Variants in SENP5 observed in about 807,000 individuals in gnomAD.
SENP5 encodes sentrin-specific protease 5.
SENP5 carries 21 observed loss-of-function variants against 74.2 expected under a neutral mutation model. That is an observed-to-expected ratio of 0.28 (90% CI 0.20 to 0.41). The LOEUF is 0.41. Among genes scored for constraint, SENP5 ranks in the 10% least tolerant of loss-of-function variants. The pLI is 1.00. For missense variants in SENP5, 717 were observed against 889.1 expected (o/e 0.81, Z 2.46); for synonymous variants, 311 against 312.7 (o/e 0.99, Z 0.06).
At chr3:196,888,214 C>T (rs1714056233) in intron 2 of SENP5, among the ~76,000 whole-genome samples, 1 of 152,158 alleles carries the variant, frequency 6.6e-6, no homozygotes, top group Non-Finnish European at 1.5e-5. Flanking sequence ...TAAATTATGG[C>T]CCATTCAGGC....
chr3:196,883,686 A>G (rs1442740920), intron 1 of SENP5, among the ~76,000 whole-genome samples: 2 of 137,752 alleles, frequency 1.5e-5, no homozygotes, highest in Admixed American at 7.7e-5. Context: ...GAGGTCCTAT[A>G]GCTGCTGCTT....
chr3:196,907,620 A>G lies in SENP5; in HGVS notation c.1884+4010A>G, dbSNP rs1325862674. ...TGTGAGTTGTTTCATTAAATAATAA[A>G]CTAAATTATTCCTTCCTCTAGATCA... On this transcript the variant is annotated intron_variant, in intron 6 of 9. Transcript: ENST00000323460. 2.0e-5 allele frequency among the ~76,000 whole-genome samples: 3 copies of G among 152,168 alleles called. No individual in the cohort carries two copies. The East Asian group carries it at 5.8e-4, about 29-fold the overall frequency.
intron 2 of SENP5, among the ~76,000 whole-genome samples, chr3:196,890,824 T>C (rs1714170220): frequency 6.6e-6 from 1 of 152,148 alleles, no homozygotes; most frequent in Non-Finnish European, 1.5e-5. Context: ...AACACACAAA[T>C]ACATACACAA....
chr3:196,931,985 C>G lies in SENP5; in HGVS notation c.*1062C>G. 1 of 445,076 alleles carries G rather than the reference C, an allele frequency of 2.2e-6. No individual in the cohort carries two copies. Among genetic ancestry groups the G allele is most frequent in the Non-Finnish European group, 4.5e-6 (1 of 222,702 alleles). The allele number at this position is 445,076 out of a possible 1,614,324, so 27.6% of individuals were successfully genotyped here. A position where few individuals can be genotyped will look rare whatever the true frequency, so the allele number is the denominator to read the frequency against. On this transcript the variant is annotated 3_prime_UTR_variant, in exon 10 of 10. Transcript: ENST00000323460. ...GGGAGCGCAGCAACCGTGTCAGGTT[C>G]TTTCTCCTGTCCCATTAGTGACCTC...
intron 2 of SENP5, among the ~76,000 whole-genome samples, chr3:196,897,695 G>A (rs902184902): frequency 1.3e-5 from 2 of 152,186 alleles, no homozygotes; most frequent in Admixed American, 6.5e-5. Context: ...AAAGGGAGCT[G>A]GTTAAGATAT....
chr3:196,882,788 G>A (rs951166616), intron 1 of SENP5, among the ~76,000 whole-genome samples: 3 of 152,152 alleles, frequency 2.0e-5, no homozygotes, highest in Non-Finnish European at 4.4e-5. Flanking sequence ...ACAGGCGTGA[G>A]CCACCATGCC....
rs1716059014 is a variant in SENP5 at position 196,932,131 on chromosome 3, T to G, written c.*1208T>G. On this transcript the variant is annotated 3_prime_UTR_variant, in exon 10 of 10. Coordinates refer to ENST00000323460, the MANE Select transcript of SENP5 (RefSeq NM_152699.5). ...GGCCAAGTGGCCCTTGTCCATACACTTAGCTGCATTAGGATGAATATCACG... is the reference window on the plus strand; with the variant it reads ...GGCCAAGTGGCCCTTGTCCATACACGTAGCTGCATTAGGATGAATATCACG... 4.5e-6 allele frequency: 1 copy of G among 224,572 alleles called. No homozygotes were observed. Among genetic ancestry groups the G allele is most frequent in the Non-Finnish European group, 9.0e-6 (1 of 110,660 alleles). 13.9% of individuals were successfully genotyped at this position (224,572 alleles called of 1,614,324 possible).
chr3:196,891,683 C>T (rs1714205968), intron 2 of SENP5, among the ~76,000 whole-genome samples: 2 of 152,174 alleles, frequency 1.3e-5, no homozygotes, highest in South Asian at 4.1e-4. Flanking sequence ...CCTGTAGTCC[C>T]AGCTCCTCAG....
At chr3:196,924,609 T>C (rs142031461) in intron 7 of SENP5, among the ~76,000 whole-genome samples, 1,621 of 54,234 alleles carry the variant, frequency 0.03, 20 homozygotes, top group African/African-American at 0.2. Flanking sequence ...ATAGGCATTC[T>C]CATATTTTCT....
chr3:196,898,196 A>G (rs1182068864), intron 2 of SENP5, among the ~76,000 whole-genome samples: 2 of 149,548 alleles, frequency 1.3e-5, no homozygotes, highest in African/African-American at 4.9e-5. Context: ...AAGAAAAAAG[A>G]AAAGAAAGAA....
chr3:196,922,292 T>G (rs56107352), intron 6 of SENP5, among the ~76,000 whole-genome samples: 2,069 of 152,348 alleles, frequency 0.014, 25 homozygotes, highest in Non-Finnish European at 0.024. Flanking sequence ...CTAAGGAAAT[T>G]ACCAGTCATG....
chr3:196,871,272 C>A (rs576705722), intron 1 of SENP5, among the ~76,000 whole-genome samples: 1 of 152,266 alleles, frequency 6.6e-6, no homozygotes, highest in Non-Finnish European at 1.5e-5. Context: ...ATAGCTGAAT[C>A]TCTAAAATTT....
intron 6 of SENP5, among the ~76,000 whole-genome samples, chr3:196,917,378 G>A (rs1715424393): frequency 1.3e-5 from 2 of 152,086 alleles, no homozygotes; most frequent in Non-Finnish European, 2.9e-5. Context: ...GAGGTAGAGA[G>A]AGAGAGAGAG....
At chr3:196,882,370 A>G (rs1713764725) in intron 1 of SENP5, among the ~76,000 whole-genome samples, 1 of 152,186 alleles carries the variant, frequency 6.6e-6, no homozygotes, top group Admixed American at 6.5e-5. Flanking sequence ...TTCTGTACCC[A>G]TTAAGCAATA....
In SENP5 at chr3:196,885,319, G is replaced by T. The variant is rs907804402; in HGVS notation, c.138G>T (p.Arg46Ser). 4 of 1,614,040 alleles carry T rather than the reference G, an allele frequency of 2.5e-6. No homozygotes were observed. Among genetic ancestry groups the T allele is most frequent in the East Asian group, 4.5e-5 (2 of 44,900 alleles). Residue 46 changes from arginine (R) to serine (S), a missense_variant, in exon 2 of 10, where the codon AGG (arginine) becomes AGT (serine). Arg to Ser is a moderately radical substitution (Grantham distance 110). Coordinates refer to ENST00000323460, the MANE Select transcript of SENP5 (RefSeq NM_152699.5). ...HLCILKAKLGRPVTWNRQLRH... is the reference protein window; with the variant it reads ...HLCILKAKLGSPVTWNRQLRH... ...GCATTCTGAAAGCTAAGCTGGGAAGGCCAGTTACTTGGAATAGACAGTTGA... is the reference window on the plus strand; with the variant it reads ...GCATTCTGAAAGCTAAGCTGGGAAGTCCAGTTACTTGGAATAGACAGTTGA...
At chr3:196,915,458 C>T (rs1194170150) in intron 6 of SENP5, among the ~76,000 whole-genome samples, 1 of 152,186 alleles carries the variant, frequency 6.6e-6, no homozygotes, top group Non-Finnish European at 1.5e-5. Flanking sequence ...TATAGCCCCA[C>T]CCTGGGCCAG....
At chr3:196,874,744 TGGCGCA>T (rs1433915607) in intron 1 of SENP5, among the ~76,000 whole-genome samples, 1 of 152,098 alleles carries the variant, frequency 6.6e-6, no homozygotes, top group Non-Finnish European at 1.5e-5. Context: ...CTGGGCGTGG[TGGCGCA>T]TGCCTGTAAT....
chr3:196,878,069 G>T (rs1713560129), intron 1 of SENP5, among the ~76,000 whole-genome samples: 1 of 152,136 alleles, frequency 6.6e-6, no homozygotes, highest in Non-Finnish European at 1.5e-5. Flanking sequence ...GGAACAATGA[G>T]AATAACAACA....
In SENP5 at chr3:196,904,690, G is replaced by A. The variant is rs1378761342; in HGVS notation, c.1884+1080G>A. On this transcript the variant is annotated intron_variant, in intron 6 of 9. Coordinates refer to ENST00000323460, the MANE Select transcript of SENP5 (RefSeq NM_152699.5). The stretch of plus-strand genomic sequence containing the variant: ...TGTAACCCCAGCTACTTGGGAGGCT[G>A]AGGTGGGAGAATCGCTTGAACATGG... Among the ~76,000 whole-genome samples, 4 of 152,194 alleles carry A rather than the reference G, an allele frequency of 2.6e-5. No individual in the cohort carries two copies. In the East Asian group the frequency reaches 7.7e-4, roughly 29 times the overall value.
Sources: gnomAD v4.1 joint callset for allele counts (sites outside exome capture counted in the v4.1 genomes callset) on GRCh38, gnomAD v4.1.1 for gene constraint, MANE v1.5 for transcripts, NCBI Gene and HGNC (gene_info 2026-07-23, HGNC 2026-07-21) for gene names.